Variants in GNB1 observed in about 807,000 individuals in gnomAD.
The protein encoded by GNB1 is guanine nucleotide-binding protein G(I)/G(S)/G(T) subunit beta-1.
Under a neutral mutation model 42.9 loss-of-function variants are expected in GNB1, and 2 were observed. The ratio of observed to expected loss-of-function variants is 0.05; its 90% CI spans 0.02 to 0.15. The LOEUF is 0.15. Among genes scored for constraint, GNB1 ranks in the 10% least tolerant of loss-of-function variants. GNB1 has a pLI of 1.00. For missense variants in GNB1, 193 were observed against 462.2 expected (o/e 0.42, Z 5.34); for synonymous variants, 183 against 174.7 (o/e 1.05, Z -0.38).
Position 1,830,339 on chromosome 1 carries a change from C to T in GNB1, c.-46-4840G>A, listed in dbSNP as rs562832445. 6.6e-3 allele frequency among the ~76,000 whole-genome samples: 994 copies of T among 151,702 alleles called. 5 individuals are homozygous for T. The highest frequency in any genetic ancestry group is 0.024 in the Middle Eastern group (7 of 294). ...GCAGTGGCGCGATCTCAGCTCACTGCAAGCTCCACCTCCCGGGTTCACGCC... is the reference window on the plus strand; with the variant it reads ...GCAGTGGCGCGATCTCAGCTCACTGTAAGCTCCACCTCCCGGGTTCACGCC... On this transcript the variant is annotated intron_variant, in intron 2 of 11. Transcript: ENST00000378609.
chr1:1,889,345 T>C (rs968742478), intron 1 of GNB1, among the ~76,000 whole-genome samples: 1 of 152,220 alleles, frequency 6.6e-6, no homozygotes, highest in Non-Finnish European at 1.5e-5. Context: ...GAAAATACAA[T>C]GAACCAATGC....
At chr1:1,806,844 C>T (rs928405184) in intron 5 of GNB1, among the ~76,000 whole-genome samples, 4 of 152,134 alleles carry the variant, frequency 2.6e-5, no homozygotes, top group Non-Finnish European at 5.9e-5. Context: ...CATGGTAGTG[C>T]GTCTCTGTAA....
At chr1:1,820,870 T>C (rs1288511097) in intron 3 of GNB1, among the ~76,000 whole-genome samples, 1 of 152,198 alleles carries the variant, frequency 6.6e-6, no homozygotes, top group Non-Finnish European at 1.5e-5. Flanking sequence ...TTTAACTGAG[T>C]GCAGCACTTT....
chr1:1,816,644 CTTTTTTTTT>C (rs59065707), intron 4 of GNB1, among the ~76,000 whole-genome samples: 1 of 108,638 alleles, frequency 9.2e-6, no homozygotes, highest in African/African-American at 3.2e-5. Context: ...TTTTTATTAT[CTTTTTTTTT>C]TTTTTTTTTT....
intron 8 of GNB1, among the ~76,000 whole-genome samples, chr1:1,791,305 G>A (rs1646478461): frequency 6.6e-6 from 1 of 151,990 alleles, no homozygotes; most frequent in African/African-American, 2.4e-5. Context: ...TCCAGTAGCT[G>A]GGATTACAGG....
At chr1:1,824,553 C>T (rs1646972229) in intron 3 of GNB1, among the ~76,000 whole-genome samples, 1 of 152,086 alleles carries the variant, frequency 6.6e-6, no homozygotes, top group African/African-American at 2.4e-5. Flanking sequence ...AGTTTATTTA[C>T]ACACGGTAAA....
intron 7 of GNB1, among the ~76,000 whole-genome samples, chr1:1,800,476 G>A (rs903317413): frequency 1.3e-5 from 2 of 152,140 alleles, no homozygotes; most frequent in Admixed American, 6.6e-5. Context: ...AGTAAGTGGT[G>A]CTAACAACAA....
intron 1 of GNB1, among the ~76,000 whole-genome samples, chr1:1,843,978 G>A (rs1187515724): frequency 2.0e-5 from 3 of 151,834 alleles, no homozygotes; most frequent in South Asian, 2.1e-4. Context: ...GGCGGATCAC[G>A]AGGTCAGGAG....
intron 3 of GNB1, among the ~76,000 whole-genome samples, chr1:1,824,629 G>A (rs749321366): frequency 6.6e-6 from 1 of 151,898 alleles, no homozygotes; most frequent in African/African-American, 2.4e-5. Context: ...TTGGAGTGCA[G>A]TGGCACAATC....
rs535633663 is a variant in GNB1, at chr1:1,848,440, A to G, written c.-95-9202T>C. ...TTATGTATTTCAGTAAAGTTCCACC[A>G]AGTATGCCTGTCTCTCCTACCTCCC... is the stretch of plus-strand genomic sequence containing the variant. On this transcript the variant is annotated intron_variant, in intron 1 of 11. Coordinates refer to ENST00000378609, the MANE Select transcript of GNB1 (RefSeq NM_002074.5). Among the ~76,000 whole-genome samples, 6 of 152,162 alleles carry G rather than the reference A, an allele frequency of 3.9e-5. No individual in the cohort carries two copies. The South Asian group carries it at 1.2e-3, about 32-fold the overall frequency.
rs941437657 is a variant in GNB1 at position 1,819,463 on chromosome 1, C to T, written c.58-1588G>A. On this transcript the variant is annotated intron_variant, in intron 3 of 11. Transcript: ENST00000378609. The stretch of plus-strand genomic sequence containing the variant: ...CTAGAACTCCTGACCTCAGGTGATC[C>T]GCTCATCTCAGCCTCCCAAAGTGCT... Among the ~76,000 whole-genome samples, 34 of 152,130 alleles carry T rather than the reference C, an allele frequency of 2.2e-4. No individual in the cohort carries two copies. The East Asian group carries it at 2.5e-3, about 11-fold the overall frequency.
At chr1:1,886,225 G>A (rs1310098572) in intron 1 of GNB1, among the ~76,000 whole-genome samples, 1 of 152,126 alleles carries the variant, frequency 6.6e-6, no homozygotes, top group Admixed American at 6.5e-5. Flanking sequence ...GGCTGAGACT[G>A]GAGAATCACT....
At chr1:1,809,685 TC>T (rs1557893845) in intron 5 of GNB1, among the ~76,000 whole-genome samples, 1 of 152,094 alleles carries the variant, frequency 6.6e-6, no homozygotes, top group Non-Finnish European at 1.5e-5. Flanking sequence ...ACTGCTGACT[TC>T]CAGAGGGATT....
At chr1:1,827,280 T>A (rs1647012438) in intron 2 of GNB1, among the ~76,000 whole-genome samples, 1 of 152,208 alleles carries the variant, frequency 6.6e-6, no homozygotes, top group African/African-American at 2.4e-5. Context: ...CTGCAAGGCA[T>A]GCCCCGTAAC....
At chr1:1,856,259 T>C (rs1648292374) in intron 1 of GNB1, among the ~76,000 whole-genome samples, 1 of 152,202 alleles carries the variant, frequency 6.6e-6, no homozygotes, top group South Asian at 2.1e-4. Context: ...CAGCCTCAAG[T>C]GATCCTCCTG....
At chr1:1,863,737 AT>A (rs1281793480) in intron 1 of GNB1, among the ~76,000 whole-genome samples, 2 of 152,250 alleles carry the variant, frequency 1.3e-5, no homozygotes, top group African/African-American at 4.8e-5. Context: ...ACACAGTAAG[AT>A]TTCAAAGGAG....
In GNB1 at chr1:1,842,078, CG is replaced by C. The variant is rs1553200269; in HGVS notation, c.-95-2841del. ...ATCCCAGCACTTTGGGAAGGTGAGG[CG>C]GGTGGATCACCTGAGGTCAGGAGTT... On this transcript the variant is annotated intron_variant, in intron 1 of 11. Transcript: ENST00000378609. 3.3e-5 allele frequency among the ~76,000 whole-genome samples: 5 copies of C among 152,138 alleles called. 1 individual carries two copies. The highest frequency in any genetic ancestry group is 7.4e-5 in the Non-Finnish European group (5 of 68,018).
rs1646512114 is a variant in GNB1, at chr1:1,793,865, G to C, written c.431-554C>G. The C allele has an allele frequency of 2.0e-5, 3 of 153,788 alleles. No homozygotes were observed. In the Admixed American group the frequency reaches 2.0e-4, roughly 10 times the overall value. 9.5% of individuals were successfully genotyped at this position (153,788 alleles called of 1,614,324 possible). Reference sequence around the variant, plus strand: ...GGACGAGAGTAGACTCAGAGAAGGAGGATCCAAACAGAGGGCCCAGCCAGG... The same window carrying C: ...GGACGAGAGTAGACTCAGAGAAGGACGATCCAAACAGAGGGCCCAGCCAGG... On this transcript the variant is annotated intron_variant, in intron 7 of 11. Coordinates refer to ENST00000378609, the MANE Select transcript of GNB1 (RefSeq NM_002074.5).
chr1:1,886,833 G>C (rs559967232), intron 1 of GNB1, among the ~76,000 whole-genome samples: 12 of 152,318 alleles, frequency 7.9e-5, no homozygotes, highest in Admixed American at 2.0e-4. Context: ...AGCCTCCTGA[G>C]TAGCTGGGAT....
Sources: gnomAD v4.1 joint callset for allele counts (sites outside exome capture counted in the v4.1 genomes callset) on GRCh38, gnomAD v4.1.1 for gene constraint, MANE v1.5 for transcripts, NCBI Gene and HGNC (gene_info 2026-07-23, HGNC 2026-07-21) for gene names.